ITSN2: variants seen among roughly 807,000 people sequenced by gnomAD.
ITSN2 encodes the protein intersectin 2, also known as intersectin-2.
A neutral mutation model predicts 243.7 loss-of-function variants in ITSN2; 156 were observed. That is an observed-to-expected ratio of 0.64 (90% confidence interval 0.56 to 0.73). ITSN2 has a LOEUF of 0.73. ITSN2 is among the 30% of genes least tolerant of loss of function. The pLI is 0.00. For missense variants in ITSN2, 1,801 were observed against 1,996.1 expected, an observed-to-expected ratio of 0.90 and a Z score of 1.86; for synonymous variants, 703 against 699.9, an observed-to-expected ratio of 1.00 and a Z score of -0.07.
intron 15 of ITSN2, among the ~76,000 whole-genome samples, chr2:24,290,656 G>C (rs1040795009): frequency 6.6e-6 from 1 of 152,074 alleles, no homozygotes; most frequent in Non-Finnish European, 1.5e-5. Flanking sequence ...ATAGAGAGCG[G>C]TAAAGAGCTC....
chr2:24,250,967 A>C (rs1674020225), intron 25 of ITSN2, among the ~76,000 whole-genome samples: 2 of 152,154 alleles, frequency 1.3e-5, no homozygotes, highest in South Asian at 4.2e-4. Flanking sequence ...AGGCAGGTGG[A>C]TCACTGGAGG....
At chr2:24,359,711 G>C (rs748176746) in intron 1 of ITSN2, among the ~76,000 whole-genome samples, 1 of 152,012 alleles carries the variant, frequency 6.6e-6, no homozygotes, top group Non-Finnish European at 1.5e-5. Flanking sequence ...GTATATTCTG[G>C]AAGTCAATAA....
chr2:24,227,167 G>T (rs1383386123), intron 29 of ITSN2, among the ~76,000 whole-genome samples: 1 of 151,896 alleles, frequency 6.6e-6, no homozygotes, highest in Non-Finnish European at 1.5e-5. Flanking sequence ...TCACTAGCTG[G>T]TGATACCCTT....
intron 22 of ITSN2, among the ~76,000 whole-genome samples, chr2:24,259,659 T>C (rs4665679): frequency 0.98 from 149,193 of 152,324 alleles, 73,062 homozygotes; most frequent in East Asian, 0.99. Context: ...TAACATGCCT[T>C]GGTGACTTTC....
chr2:24,345,104 T>C (rs1320230657), intron 1 of ITSN2, among the ~76,000 whole-genome samples: 1 of 152,190 alleles, frequency 6.6e-6, no homozygotes. Context: ...ACTCCAGCTT[T>C]TACACTTATT....
intron 19 of ITSN2, 87 bp from the exon 20 acceptor site, chr2:24,270,855 A>T: frequency 1.4e-6 from 1 of 703,582 alleles, no homozygotes; most frequent in Non-Finnish European, 2.4e-6. Context: ...ACCTAAAAGA[A>T]AAAATCAAGC....
At position 24,203,296 on chromosome 2, in the gene ITSN2, A is replaced by G. The variant is rs1668510424; in HGVS notation, c.*330T>C. The G allele has an allele frequency of 5.1e-6, 1 of 196,432 alleles. No homozygotes were observed. The highest frequency in any genetic ancestry group is 2.3e-5 in the African/African-American group (1 of 43,634). The allele number at this position is 196,432 out of a possible 1,614,324, so 12.2% of individuals were successfully genotyped here. On this transcript the variant is annotated 3_prime_UTR_variant, in exon 40 of 40. Transcript: ENST00000355123. ...AACCACTCCACGGTGGACACATTCA[A>G]CCGAGCGGTAACATCTGGTGGTCTG...
intron 14 of ITSN2, among the ~76,000 whole-genome samples, chr2:24,294,096 T>C (rs1301076163): frequency 6.6e-6 from 1 of 152,188 alleles, no homozygotes; most frequent in Non-Finnish European, 1.5e-5. Context: ...TGTGTAAGCA[T>C]GCCATGATAC....
At chr2:24,313,036 A>C (rs1683446751) in intron 4 of ITSN2, among the ~76,000 whole-genome samples, 1 of 152,032 alleles carries the variant, frequency 6.6e-6, no homozygotes, top group African/African-American at 2.4e-5. Context: ...ATTATTTTCA[A>C]TAATTTGCTC....
At chr2:24,321,006 T>C (rs558496693) in intron 2 of ITSN2, among the ~76,000 whole-genome samples, 1 of 152,266 alleles carries the variant, frequency 6.6e-6, no homozygotes, top group Admixed American at 6.5e-5. Flanking sequence ...ATGAGAAAAT[T>C]TGCTAGAAGT....
intron 1 of ITSN2, chr2:24,334,860 G>T: frequency 1.7e-6 from 1 of 577,254 alleles, no homozygotes; most frequent in Non-Finnish European, 3.0e-6. Flanking sequence ...TCAGGAGATC[G>T]AGACCATCCT....
intron 1 of ITSN2, among the ~76,000 whole-genome samples, chr2:24,349,674 G>A (rs1687859403): frequency 6.6e-6 from 1 of 152,006 alleles, no homozygotes. Context: ...TACTCCATAG[G>A]CCGAGCAGCA....
At chr2:24,229,866 T>C (rs1406917637) in intron 29 of ITSN2, among the ~76,000 whole-genome samples, 1 of 152,014 alleles carries the variant, frequency 6.6e-6, no homozygotes, top group Admixed American at 6.6e-5. Context: ...TCTCCTCATA[T>C]CCTCCCACCT....
intron 34 of ITSN2, 106 bp from the exon 35 acceptor site, chr2:24,210,139 G>T (rs1669323191): frequency 6.7e-6 from 5 of 746,870 alleles, no homozygotes; most frequent in Non-Finnish European, 1.1e-5. Flanking sequence ...GAGTTTTCTA[G>T]GTGGGAATGT....
chr2:24,301,031 T>C (rs1483811052), intron 11 of ITSN2, 123 bp downstream of exon 11: 4 of 524,712 alleles, frequency 7.6e-6, no homozygotes, highest in Middle Eastern at 5.1e-4. Flanking sequence ...ATCTATCAAA[T>C]AGTTTTTTCT....
chr2:24,306,689 G>A (rs529556124), intron 8 of ITSN2, among the ~76,000 whole-genome samples: 5 of 151,994 alleles, frequency 3.3e-5, no homozygotes, highest in African/African-American at 1.2e-4. Context: ...CTTTTTATTA[G>A]AGAGATGGGG....
chr2:24,330,923 C>T (rs1685716898), intron 1 of ITSN2, among the ~76,000 whole-genome samples: 1 of 151,826 alleles, frequency 6.6e-6, no homozygotes, highest in Non-Finnish European at 1.5e-5. Flanking sequence ...GGCGCCACCA[C>T]ACCTGGCTAA....
chr2:24,303,443 AT>A (rs142220536), intron 9 of ITSN2, among the ~76,000 whole-genome samples: 2 of 152,396 alleles, frequency 1.3e-5, no homozygotes, highest in East Asian at 3.8e-4. Context: ...AGAATAGGAT[AT>A]AAATATCTTT....
chr2:24,306,073 A>G (rs1481628754), intron 8 of ITSN2, among the ~76,000 whole-genome samples: 1 of 152,096 alleles, frequency 6.6e-6, no homozygotes, highest in African/African-American at 2.4e-5. Context: ...TCTGCCTCCC[A>G]GGCACAAATA....
Sources: allele counts gnomAD v4.1 joint callset (sites outside exome capture counted in the v4.1 genomes callset), GRCh38; gene constraint gnomAD v4.1.1; transcripts MANE v1.5; gene names NCBI Gene and HGNC (gene_info 2026-07-23, HGNC 2026-07-21).